The following COBL variants were observed in gnomAD, a reference collection of about 807,000 sequenced individuals.
The protein encoded by COBL is cordon-bleu WH2 repeat protein.
COBL carries 51 observed loss-of-function variants against 98.8 expected under a neutral mutation model. That is an observed-to-expected ratio of 0.52 (90% CI 0.41 to 0.65). COBL has a LOEUF of 0.65. Ranked by LOEUF, COBL falls within the 30% of genes least tolerant of loss-of-function variation. The pLI is 0.00. For missense variants in COBL, 1,617 were observed against 1,617.5 expected (o/e 1.00, Z 0.01); for synonymous variants, 634 against 651.7 (o/e 0.97, Z 0.41).
At chr7:51,105,549 G>A (rs1181201854) in intron 6 of COBL, among the ~76,000 whole-genome samples, 1 of 152,204 alleles carries the variant, frequency 6.6e-6, no homozygotes, top group Non-Finnish European at 1.5e-5. Context: ...AGGAATTTGA[G>A]ACCAGCCTGG....
chr7:51,168,658 C>T (rs535518051), intron 5 of COBL, among the ~76,000 whole-genome samples: 2 of 152,276 alleles, frequency 1.3e-5, no homozygotes, highest in Admixed American at 6.5e-5. Flanking sequence ...AACCCTCATA[C>T]ACTGTTGGTG....
intron 6 of COBL, among the ~76,000 whole-genome samples, chr7:51,095,965 A>C (rs1031081146): frequency 2.0e-5 from 3 of 152,222 alleles, no homozygotes; most frequent in Non-Finnish European, 4.4e-5. Context: ...TCCACTTTCA[A>C]TAATGAATAG....
At chr7:51,265,711 G>A (rs1335997533) in intron 1 of COBL, among the ~76,000 whole-genome samples, 1 of 152,166 alleles carries the variant, frequency 6.6e-6, no homozygotes, top group Non-Finnish European at 1.5e-5. Context: ...CCCTGCCAGG[G>A]CAGCCTGTGC....
At chr7:51,301,871 T>C (rs1801999668) in intron 1 of COBL, among the ~76,000 whole-genome samples, 1 of 152,202 alleles carries the variant, frequency 6.6e-6, no homozygotes, top group African/African-American at 2.4e-5. Flanking sequence ...TGGCAGTCAG[T>C]CCATGCCTGC....
chr7:51,068,637 C>T (rs920022157), intron 7 of COBL, among the ~76,000 whole-genome samples: 21 of 152,084 alleles, frequency 1.4e-4, no homozygotes, highest in African/African-American at 4.1e-4. Flanking sequence ...GTTTATTACT[C>T]GATGGTGAGT....
chr7:51,193,576 C>A lies in COBL; in HGVS notation c.259G>T (p.Asp87Tyr). 3.7e-6 allele frequency: 6 copies of A among 1,614,072 alleles called. No individual in the cohort carries two copies. The highest frequency in any genetic ancestry group is 5.1e-6 in the Non-Finnish European group (6 of 1,179,996). Residue 87 changes from aspartate (D) to tyrosine (Y), a missense_variant, in exon 3 of 13, where the codon GAC becomes TAC. Asp to Tyr is a radical substitution (Grantham distance 160). This residue lies in a region of COBL where 238 missense variants were observed against 215.0 expected (regional missense o/e 1.11). Coordinates refer to ENST00000265136, the MANE Select transcript of COBL (RefSeq NM_015198.5). Reference sequence around the variant, plus strand: ...TGAAGGCAAAGTTCAACCAGTAGGTCCATCATCGCATGGCTGAAAAAAGGA... The same window carrying A: ...TGAAGGCAAAGTTCAACCAGTAGGTACATCATCGCATGGCTGAAAAAAGGA... ...SVLNGSHAMM[D>Y]LLVELCLQNH...
intron 1 of COBL, among the ~76,000 whole-genome samples, chr7:51,285,082 G>A (rs576226357): frequency 6.6e-6 from 1 of 151,956 alleles, no homozygotes; most frequent in South Asian, 2.1e-4. Flanking sequence ...AAGTAGCTGG[G>A]AAAACAGGAG....
chr7:51,230,910 A>G (rs1794680922), intron 1 of COBL, among the ~76,000 whole-genome samples: 1 of 152,210 alleles, frequency 6.6e-6, no homozygotes, highest in African/African-American at 2.4e-5. Context: ...AAGTCACAAA[A>G]GAGGAAGTCA....
At chr7:51,086,358 G>GAAAA (rs57609497) in intron 6 of COBL, among the ~76,000 whole-genome samples, 1 of 74,804 alleles carries the variant, frequency 1.3e-5, no homozygotes, top group Admixed American at 1.6e-4. Flanking sequence ...CTGTGTCTCA[G>GAAAA]AAAAAAAAAA....
At chr7:51,020,953 T>G (rs540029349) in intron 12 of COBL, 1 of 152,250 alleles carries the variant, frequency 6.6e-6, no homozygotes, top group African/African-American at 2.4e-5. Context: ...ACTGCCAATG[T>G]GAAATTTGTG....
chr7:51,100,273 T>C (rs1244709143), intron 6 of COBL, among the ~76,000 whole-genome samples: 1 of 152,230 alleles, frequency 6.6e-6, no homozygotes, highest in African/African-American at 2.4e-5. Context: ...CACTTACTCC[T>C]TCAATTAACT....
chr7:51,160,215 T>A (rs1050475602), intron 5 of COBL, among the ~76,000 whole-genome samples: 1 of 152,230 alleles, frequency 6.6e-6, no homozygotes, highest in African/African-American at 2.4e-5. Context: ...CAAATAGGTA[T>A]GGAAAGAACC....
At chr7:51,169,589 A>G (rs1787654325) in intron 5 of COBL, among the ~76,000 whole-genome samples, 1 of 152,216 alleles carries the variant, frequency 6.6e-6, no homozygotes, top group Non-Finnish European at 1.5e-5. Context: ...TAAGTGAAAT[A>G]AGGCAGACAC....
intron 6 of COBL, among the ~76,000 whole-genome samples, chr7:51,123,296 G>A (rs1364579211): frequency 2.0e-5 from 3 of 152,158 alleles, no homozygotes; most frequent in Admixed American, 6.5e-5. Flanking sequence ...ATTTGACATG[G>A]GTTCCAGACT....
At position 51,281,208 on chromosome 7, in the gene COBL, A is replaced by G. The variant is rs1322926103; in HGVS notation, c.41+35385T>C. ...AAGGAATGGGCTCAACAGCAGACTC[A>G]CTGACTTTGCATACAGGTCAACAGA... is the stretch of plus-strand genomic sequence containing the variant. On this transcript the variant is annotated intron_variant, in intron 1 of 12. Coordinates refer to ENST00000265136, the MANE Select transcript of COBL (RefSeq NM_015198.5). Among the ~76,000 whole-genome samples the G allele has an allele frequency of 2.0e-5, 3 of 152,204 alleles. No individual in the cohort carries two copies. The South Asian group carries it at 6.2e-4, about 32-fold the overall frequency.
intron 5 of COBL, among the ~76,000 whole-genome samples, chr7:51,162,053 G>A (rs1013251932): frequency 1.7e-4 from 26 of 152,212 alleles, no homozygotes; most frequent in African/African-American, 6.0e-4. Flanking sequence ...TTAGGAAACA[G>A]AGACCCGAGA....
chr7:51,086,432 G>A (rs1393624274), intron 6 of COBL, among the ~76,000 whole-genome samples: 7 of 149,630 alleles, frequency 4.7e-5, no homozygotes, highest in Non-Finnish European at 8.9e-5. Context: ...CTGCTCTCTA[G>A]TAGCTCAGAG....
intron 1 of COBL, among the ~76,000 whole-genome samples, chr7:51,280,358 A>G (rs1584392661): frequency 6.6e-6 from 1 of 152,318 alleles, no homozygotes; most frequent in African/African-American, 2.4e-5. Flanking sequence ...TATGAGCCCC[A>G]GTCCACAAGC....
rs766474841 is a variant in COBL at position 51,292,223 on chromosome 7, C to A, written c.41+24370G>T. Among the ~76,000 whole-genome samples, 4 of 150,906 alleles carry A rather than the reference C, an allele frequency of 2.7e-5. No individual in the cohort carries two copies. In the East Asian group the frequency reaches 7.8e-4, roughly 29 times the overall value. ...GCTCATTAATGGACCCATACGATTT[C>A]TTTACTATGTTCTCTGCTTTTATTT... On this transcript the variant is annotated intron_variant, in intron 1 of 12. Coordinates refer to ENST00000265136, the MANE Select transcript of COBL (RefSeq NM_015198.5).
Sources: allele counts gnomAD v4.1 joint callset (sites outside exome capture counted in the v4.1 genomes callset), GRCh38; gene constraint gnomAD v4.1.1; regional missense constraint gnomAD v4.1.1; transcripts MANE v1.5; gene names NCBI Gene and HGNC (gene_info 2026-07-23, HGNC 2026-07-21).